ZNF541: variants seen among roughly 807,000 people sequenced by gnomAD.
The protein encoded by ZNF541 is zinc finger protein 541.
A neutral mutation model predicts 123.5 loss-of-function variants in ZNF541; 23 were observed. The observed-to-expected ratio is 0.19, with a 90% CI of 0.13 to 0.26. The LOEUF (loss-of-function observed/expected upper bound fraction) is 0.26. Ranked by LOEUF, ZNF541 falls within the 10% of genes least tolerant of loss-of-function variation. The probability of loss-of-function intolerance (pLI) is 1.00; values close to 1 mark genes in which losing one functional copy is unlikely to be tolerated. For synonymous variants in ZNF541, 751 were observed against 754.5 expected (o/e 1.00, Z 0.08); for missense variants, 1,612 against 1,789.9 (o/e 0.90, Z 1.79).
intron 14 of ZNF541, 97 bp from the exon 15 acceptor site, chr19:47,522,091 G>A (rs929523288): frequency 3.4e-6 from 5 of 1,457,434 alleles, no homozygotes; most frequent in Admixed American, 2.3e-5. Flanking sequence ...AAAGCCCTCC[G>A]GAAGCACCTC....
At chr19:47,537,132 G>A (rs893700170) in intron 9 of ZNF541, among the ~76,000 whole-genome samples, 2 of 152,200 alleles carry the variant, frequency 1.3e-5, no homozygotes, top group Non-Finnish European at 2.9e-5. Context: ...GGCTTCTTCT[G>A]GGGATGCTAA....
In ZNF541 at chr19:47,529,015, C is replaced by G; in HGVS notation, c.3505G>C (p.Glu1169Gln). Residue 1169 changes from glutamate (E) to glutamine (Q), a missense_variant, in exon 14 of 17, where the codon GAG becomes CAG. Around this residue, in one of 5 missense-constraint regions of ZNF541, gnomAD observed 285 missense variants for 407.3 expected, o/e 0.70. Coordinates refer to ENST00000391901, the MANE Select transcript of ZNF541 (RefSeq NM_001277075.3). ...YTGSDVWTPI[E>Q]KRLFKKAFYA... Reference sequence around the variant, plus strand: ...AACGCCTTCTTAAAAAGCCTCTTCTCTATAGGGGTCCAGACGTCTGAACCT... The same window carrying G: ...AACGCCTTCTTAAAAAGCCTCTTCTGTATAGGGGTCCAGACGTCTGAACCT... 2 of 1,551,606 alleles carry G rather than the reference C, an allele frequency of 1.3e-6. No homozygotes were observed. Among genetic ancestry groups the G allele is most frequent in the Non-Finnish European group, 1.7e-6 (2 of 1,146,944 alleles).
chr19:47,558,720 C>CA (rs1599730270), intron 2 of ZNF541, among the ~76,000 whole-genome samples: 4 of 150,630 alleles, frequency 2.7e-5, no homozygotes, highest in African/African-American at 7.3e-5. Context: ...AGCCGGATTA[C>CA]AGGTGCCCAC....
intron 12 of ZNF541, among the ~76,000 whole-genome samples, chr19:47,530,940 C>T (rs868394611): frequency 6.6e-5 from 10 of 152,114 alleles, no homozygotes; most frequent in South Asian, 2.1e-4. Flanking sequence ...CGTGAGCCAC[C>T]GCGCCTGGCC....
chr19:47,537,560 TC>T, intron 9 of ZNF541, among the ~76,000 whole-genome samples: 1 of 110,954 alleles, frequency 9.0e-6, no homozygotes, highest in South Asian at 2.9e-4. Flanking sequence ...TGATACTCTG[TC>T]TCAAAAAAAA....
chr19:47,544,002 A>G, intron 5 of ZNF541, 124 bp downstream of exon 5: 1 of 1,255,112 alleles, frequency 8.0e-7, no homozygotes, highest in Non-Finnish European at 1.1e-6. Flanking sequence ...TCGGAACCTT[A>G]ATTCCTTCCT....
chr19:47,556,344 G>A (rs775989685), intron 2 of ZNF541, among the ~76,000 whole-genome samples: 12 of 152,176 alleles, frequency 7.9e-5, no homozygotes, highest in East Asian at 1.9e-4. Flanking sequence ...GTAAGCTCAC[G>A]TAGGCCCCAG....
Position 47,545,159 on chromosome 19 carries a change from G to A in ZNF541, c.1370C>T (p.Ser457Leu). The A allele has an allele frequency of 5.3e-6, 8 of 1,496,016 alleles. No individual in the cohort carries two copies. The highest frequency in any genetic ancestry group is 1.3e-5 in the South Asian group (1 of 77,668). 92.7% of individuals were successfully genotyped at this position (1,496,016 alleles called of 1,614,324 possible). A position where few individuals can be genotyped will look rare whatever the true frequency, so the allele number is the denominator to read the frequency against. The change falls in exon 5 of 17, where the codon TCG becomes TTG. Residue 457 changes from serine to leucine, a missense_variant. Physicochemically the swap from Ser to Leu is moderately radical, Grantham distance 145. Around this residue, in one of 5 missense-constraint regions of ZNF541, gnomAD observed 1,080 missense variants for 1,013.8 expected, o/e 1.07. Transcript: ENST00000391901. The surrounding 1 kb of genome is among the most constrained non-coding windows in gnomAD (Gnocchi z 7.5). Reference sequence around the variant, plus strand: ...GCCGGGGCCGGGCGGGGACTCCTCCGAGGGGCTTCCGCTGCTGGGTCCCGG... The same window carrying A: ...GCCGGGGCCGGGCGGGGACTCCTCCAAGGGGCTTCCGCTGCTGGGTCCCGG... The part of the protein sequence containing the change: ...SGPGPSSGSP[S>L]EESPPGPGGG...
Position 47,531,578 on chromosome 19 carries a change from C to T in ZNF541, c.3405+64G>A, listed in dbSNP as rs367928030. ...GCTCTGAACCCCCAAGCAGACAGCA[C>T]GTCACATGCACCTAGAACCCTGGGC... On this transcript the variant is annotated intron_variant, in intron 12 of 16. Coordinates refer to ENST00000391901, the MANE Select transcript of ZNF541 (RefSeq NM_001277075.3). 18 of 1,295,772 alleles carry T rather than the reference C, an allele frequency of 1.4e-5. No individual in the cohort carries two copies. The African/African-American group carries it at 2.2e-4, about 16-fold the overall frequency. The allele number at this position is 1,295,772 out of a possible 1,614,324, so 80.3% of individuals were successfully genotyped here. A position where few individuals can be genotyped will look rare whatever the true frequency, so the allele number is the denominator to read the frequency against.
In ZNF541 at chr19:47,539,692, G is replaced by A. The variant is rs753044920; in HGVS notation, c.2796+13C>T. On this transcript the variant is annotated intron_variant, in intron 8 of 16. Coordinates refer to ENST00000391901, the MANE Select transcript of ZNF541 (RefSeq NM_001277075.3). ...GGCAGTGGCAGGAAGGAGGCAGGCC[G>A]ACAAGCACCCACCATGGCCATGCTC... 6 of 1,387,560 alleles carry A rather than the reference G, an allele frequency of 4.3e-6. No homozygotes were observed. In the East Asian group the frequency reaches 9.2e-5, roughly 21 times the overall value. The allele number at this position is 1,387,560 out of a possible 1,614,324, so 86.0% of individuals were successfully genotyped here.
Position 47,545,617 on chromosome 19 carries a change from G to A in ZNF541, c.912C>T (p.Asn304=). ...ATGAGGCGGGGCAGGGACAGGCAGT[G>A]TTCCTCCCTTCGCTGTCTGAAGCCC... ...PAGASDSEGR[N]TACPCPASSG... Residue 304 remains asparagine (N), a synonymous_variant, in exon 5 of 17, where the codon AAC becomes AAT. Transcript: ENST00000391901. This position sits in a 1 kb window ranked among gnomAD's most constrained non-coding sequence, Gnocchi z 7.5. The A allele has an allele frequency of 6.5e-7, 1 of 1,550,382 alleles. No individual in the cohort carries two copies.
intron 2 of ZNF541, among the ~76,000 whole-genome samples, chr19:47,568,949 C>A (rs1176707000): frequency 6.6e-6 from 1 of 152,144 alleles, no homozygotes; most frequent in South Asian, 2.1e-4. Context: ...GGATTACAGG[C>A]GTGAGCCACT....
At chr19:47,554,409 C>A (rs926102775) in intron 3 of ZNF541, among the ~76,000 whole-genome samples, 17 of 152,054 alleles carry the variant, frequency 1.1e-4, no homozygotes, top group African/African-American at 4.1e-4. Flanking sequence ...CCAGCCTGGG[C>A]GACAGAGCGA....
At chr19:47,536,530 G>A (rs1969829103) in intron 9 of ZNF541, among the ~76,000 whole-genome samples, 1 of 152,138 alleles carries the variant, frequency 6.6e-6, no homozygotes. Context: ...GAGCCACCAT[G>A]CCTGGCCCAC....
At chr19:47,525,551 C>G (rs1015932088) in intron 14 of ZNF541, among the ~76,000 whole-genome samples, 1 of 152,122 alleles carries the variant, frequency 6.6e-6, no homozygotes, top group African/African-American at 2.4e-5. Flanking sequence ...TTAACTCATA[C>G]TTTACACCAT....
At chr19:47,535,891 T>C (rs1969796422) in intron 9 of ZNF541, among the ~76,000 whole-genome samples, 1 of 151,398 alleles carries the variant, frequency 6.6e-6, no homozygotes, top group Admixed American at 6.6e-5. Flanking sequence ...TATAGAGGAG[T>C]GGAGTGGGAA....
Position 47,544,931 on chromosome 19 carries a change from T to A in ZNF541, c.1598A>T (p.Asp533Val), listed in dbSNP as rs1568500557. The change falls in exon 5 of 17, where the codon GAT (aspartate) becomes GTT (valine). Residue 533 changes from aspartate (D) to valine (V), a missense_variant. Around this residue, in one of 5 missense-constraint regions of ZNF541, gnomAD observed 1,080 missense variants for 1,013.8 expected, o/e 1.07. Transcript: ENST00000391901. The stretch of plus-strand genomic sequence containing the variant: ...GAGCTGGCGGAAGAGCGGCGAGGCA[T>A]CCGCAGGGAGCCCGCCTGCCTTCTG... ...EAQKAGGLPADASPLFRQLFL... is the reference protein window; with the variant it reads ...EAQKAGGLPAVASPLFRQLFL... The A allele has an allele frequency of 6.5e-7, 1 of 1,535,202 alleles. No homozygotes were observed. Among genetic ancestry groups the A allele is most frequent in the Non-Finnish European group, 8.7e-7 (1 of 1,146,678 alleles).
intron 14 of ZNF541, among the ~76,000 whole-genome samples, chr19:47,527,721 C>T (rs376415098): frequency 4.1e-5 from 6 of 147,832 alleles, no homozygotes; most frequent in East Asian, 2.1e-4. Flanking sequence ...TTTTTTGAGA[C>T]GGAGTTTCAC....
chr19:47,534,204 G>A (rs1484668840), intron 9 of ZNF541, among the ~76,000 whole-genome samples: 1 of 152,152 alleles, frequency 6.6e-6, no homozygotes, highest in African/African-American at 2.4e-5. Context: ...AAAATAATCT[G>A]TAAACTTGAA....
Sources: allele counts gnomAD v4.1 joint callset (sites outside exome capture counted in the v4.1 genomes callset), GRCh38; gene constraint gnomAD v4.1.1; regional missense constraint gnomAD v4.1.1; non-coding constraint Gnocchi (gnomAD v3.1); transcripts MANE v1.5; gene names NCBI Gene and HGNC (gene_info 2026-07-23, HGNC 2026-07-21).